MAP3K4: variants seen among roughly 807,000 people sequenced by gnomAD.
MAP3K4 encodes MAP three kinase 1.
A neutral mutation model predicts 185.6 loss-of-function variants in MAP3K4; 67 were observed. The observed-to-expected ratio is 0.36, with a 90% CI of 0.30 to 0.44. The LOEUF (loss-of-function observed/expected upper bound fraction) is 0.44, where lower values mean the gene tolerates loss of function less well. Among genes scored for constraint, MAP3K4 ranks in the 20% least tolerant of loss-of-function variants. The pLI is 1.00. For missense variants in MAP3K4, 1,551 were observed against 1,995.1 expected, an observed-to-expected ratio of 0.78 and a Z score of 4.24; for synonymous variants, 702 against 710.4, an observed-to-expected ratio of 0.99 and a Z score of 0.19.
intron 1 of MAP3K4, among the ~76,000 whole-genome samples, chr6:161,019,631 ACT>A (rs1782283754): frequency 6.6e-6 from 1 of 151,626 alleles, no homozygotes; most frequent in Non-Finnish European, 1.5e-5. Flanking sequence ...CCGGTCTTGA[ACT>A]CCTGACCTCA....
At position 161,037,496 on chromosome 6, in the gene MAP3K4, G is replaced by A. The variant is rs1783223962; in HGVS notation, c.343+3047G>A. Among the ~76,000 whole-genome samples the A allele has an allele frequency of 6.6e-6, 1 of 152,118 alleles. No homozygotes were observed. The highest frequency in any genetic ancestry group is 6.5e-5 in the Admixed American group (1 of 15,276). On this transcript the variant is annotated intron_variant, in intron 2 of 26. Transcript: ENST00000392142. The surrounding 1 kb of genome is among the most constrained non-coding windows in gnomAD (Gnocchi z 4.2). ...TGCAGTGGCGCGATCTCAGCTCACT[G>A]CAACCTCCGCCTCCTGGGTTCAAGC...
intron 3 of MAP3K4, among the ~76,000 whole-genome samples, chr6:161,066,726 T>C (rs1784730469): frequency 6.6e-6 from 1 of 152,214 alleles, no homozygotes; most frequent in African/African-American, 2.4e-5. Context: ...TGTCTGGACA[T>C]GTATTGACAT....
rs1045285232 is a variant in MAP3K4, at chr6:161,108,266, T to A, written c.4119+297T>A. ...AAGGCTTAGAGGAGAGGATTAACAG[T>A]AGTGTCTTATGGGGACACATTGGGG... On this transcript the variant is annotated intron_variant, in intron 21 of 26. Coordinates refer to ENST00000392142, the MANE Select transcript of MAP3K4 (RefSeq NM_005922.4). This position sits in a 1 kb window ranked among gnomAD's most constrained non-coding sequence, Gnocchi z 5.7. Among the ~76,000 whole-genome samples the A allele has an allele frequency of 1.3e-5, 2 of 152,162 alleles. No individual in the cohort carries two copies. Among genetic ancestry groups the A allele is most frequent in the Non-Finnish European group, 2.9e-5 (2 of 68,032 alleles).
intron 3 of MAP3K4, among the ~76,000 whole-genome samples, chr6:161,068,342 G>A (rs961364920): frequency 3.3e-5 from 5 of 152,228 alleles, no homozygotes; most frequent in African/African-American, 1.2e-4. Flanking sequence ...TCTTCCTAAT[G>A]AGAGGAAGAG....
intron 1 of MAP3K4, among the ~76,000 whole-genome samples, chr6:161,033,569 G>GT (rs371178972): frequency 1.3e-5 from 2 of 151,740 alleles, no homozygotes; most frequent in African/African-American, 4.8e-5. Flanking sequence ...CTGCACTGTG[G>GT]TTTTTTTCTT....
rs1033012003 is a variant in MAP3K4, at chr6:161,056,355, A to G, written c.1707+6376A>G. ...GTGTGTTCGGTGCTGTTGGGGTGTCATTGCTTTTAGGCCTTCTCAGTGATA... is the reference window on the plus strand; with the variant it reads ...GTGTGTTCGGTGCTGTTGGGGTGTCGTTGCTTTTAGGCCTTCTCAGTGATA... On this transcript the variant is annotated intron_variant, in intron 3 of 26. Transcript: ENST00000392142. This position sits in a 1 kb window ranked among gnomAD's most constrained non-coding sequence, Gnocchi z 5.4. Among the ~76,000 whole-genome samples, 1 of 152,138 alleles carries G rather than the reference A, an allele frequency of 6.6e-6. No homozygotes were observed. Among genetic ancestry groups the G allele is most frequent in the African/African-American group, 2.4e-5 (1 of 41,420 alleles).
In MAP3K4 at chr6:161,117,104, C is replaced by G; in HGVS notation, c.*234C>G. On this transcript the variant is annotated 3_prime_UTR_variant, in exon 27 of 27. Transcript: ENST00000392142. ...AGCTGCATGTTAAGTGCCATTACTA[C>G]TGTACACGGACCATCGCCTCTGTCT... is the stretch of plus-strand genomic sequence containing the variant. 1.8e-6 allele frequency: 1 copy of G among 570,824 alleles called. No homozygotes were observed. The highest frequency in any genetic ancestry group is 2.2e-5 in the South Asian group (1 of 44,976). The allele number at this position is 570,824 out of a possible 1,614,324, so 35.4% of individuals were successfully genotyped here.
chr6:161,116,795 G>A lies in MAP3K4; in HGVS notation c.4807-55G>A, dbSNP rs911420517. Reference sequence around the variant, plus strand: ...CCCGTAAGACTCATACTGCGCGTATGCACAAGCACACACCTGGCTCTGCAA... The same window carrying A: ...CCCGTAAGACTCATACTGCGCGTATACACAAGCACACACCTGGCTCTGCAA... On this transcript the variant is annotated intron_variant, in intron 26 of 26. Transcript: ENST00000392142. The surrounding 1 kb of genome is among the most constrained non-coding windows in gnomAD (Gnocchi z 6.2). 2 of 1,568,358 alleles carry A rather than the reference G, an allele frequency of 1.3e-6. No homozygotes were observed. Among genetic ancestry groups the A allele is most frequent in the Admixed American group, 3.3e-5 (2 of 59,876 alleles).
At position 161,049,834 on chromosome 6, in the gene MAP3K4, G is replaced by T. The variant is rs775801595; in HGVS notation, c.1562G>T (p.Cys521Phe). The change falls in exon 3 of 27, where the codon TGT (cysteine) becomes TTT (phenylalanine). Residue 521 changes from cysteine (C) to phenylalanine (F), a missense_variant. Cys to Phe is a radical substitution (Grantham distance 205). Coordinates refer to ENST00000392142, the MANE Select transcript of MAP3K4 (RefSeq NM_005922.4). The surrounding 1 kb of genome is among the most constrained non-coding windows in gnomAD (Gnocchi z 8.4). Reference sequence around the variant, plus strand: ...ACAGAAGCAGGCTTTAGTAGACATTGTCTGACTTCTATTTATAGACCATTT... The same window carrying T: ...ACAGAAGCAGGCTTTAGTAGACATTTTCTGACTTCTATTTATAGACCATTT... Reference protein sequence around the residue: ...WSTEAGFSRHCLTSIYRPFVD... With the variant: ...WSTEAGFSRHFLTSIYRPFVD... 1 of 1,614,138 alleles carries T rather than the reference G, an allele frequency of 6.2e-7. No individual in the cohort carries two copies. The highest frequency in any genetic ancestry group is 1.1e-5 in the South Asian group (1 of 91,074).
chr6:161,020,487 G>A (rs1343358485), intron 1 of MAP3K4, among the ~76,000 whole-genome samples: 3 of 151,920 alleles, frequency 2.0e-5, no homozygotes, highest in Non-Finnish European at 2.9e-5. Context: ...GTGAAACTCC[G>A]TTTCTACTAA....
intron 1 of MAP3K4, among the ~76,000 whole-genome samples, chr6:161,003,379 C>T (rs761529973): frequency 6.6e-6 from 1 of 152,190 alleles, no homozygotes; most frequent in Non-Finnish European, 1.5e-5. Context: ...ACAGAATCCA[C>T]GGTCATCCTT....
intron 25 of MAP3K4, among the ~76,000 whole-genome samples, chr6:161,113,790 C>CTTTTTTTTTTTTTTTTTTTT (rs963260228): frequency 1.4e-5 from 1 of 71,076 alleles, no homozygotes; most frequent in Non-Finnish European, 2.4e-5. Flanking sequence ...ATATGAGTGA[C>CTTTTTTTTTTTTTTTTTTTT]TTTTTTTTTT....
rs1298212156 is a variant in MAP3K4, at chr6:161,048,349, G to A, written c.344-267G>A. The A allele has an allele frequency of 1.6e-6, 1 of 636,768 alleles. No homozygotes were observed. The highest frequency in any genetic ancestry group is 3.0e-6 in the Non-Finnish European group (1 of 333,900). 39.4% of individuals were successfully genotyped at this position (636,768 alleles called of 1,614,324 possible). A position where few individuals can be genotyped will look rare whatever the true frequency, so the allele number is the denominator to read the frequency against. ...TGATAACTATGCTTTGTAGCATAGA[G>A]AGAAATAAACAGCTAGTTTAGGTAA... On this transcript the variant is annotated intron_variant, in intron 2 of 26. Coordinates refer to ENST00000392142, the MANE Select transcript of MAP3K4 (RefSeq NM_005922.4). This position sits in a 1 kb window ranked among gnomAD's most constrained non-coding sequence, Gnocchi z 4.7.
chr6:161,097,241 T>C lies in MAP3K4; in HGVS notation c.3524+65T>C, dbSNP rs1267633974. The stretch of plus-strand genomic sequence containing the variant: ...CCTCCGATATGCATGCTCATACTTT[T>C]GAAACTACTAGATGCTTGCTCTGAG... On this transcript the variant is annotated intron_variant, in intron 16 of 26. Transcript: ENST00000392142. This position sits in a 1 kb window ranked among gnomAD's most constrained non-coding sequence, Gnocchi z 4.9. 24 of 1,345,480 alleles carry C rather than the reference T, an allele frequency of 1.8e-5. No homozygotes were observed. Among genetic ancestry groups the C allele is most frequent in the Non-Finnish European group, 2.6e-5 (24 of 938,490 alleles). 83.3% of individuals were successfully genotyped at this position (1,345,480 alleles called of 1,614,324 possible). A position where few individuals can be genotyped will look rare whatever the true frequency, so the allele number is the denominator to read the frequency against.
Position 161,107,182 on chromosome 6 carries a change from T to C in MAP3K4, c.4048+477T>C, listed in dbSNP as rs1778121435. On this transcript the variant is annotated intron_variant, in intron 20 of 26. Transcript: ENST00000392142. This position sits in a 1 kb window ranked among gnomAD's most constrained non-coding sequence, Gnocchi z 6.2. Reference sequence around the variant, plus strand: ...TTAATTTCCAGGTGGAATTGCTTCATGTAAAATAGTCGTAAATTATGTGAG... The same window carrying C: ...TTAATTTCCAGGTGGAATTGCTTCACGTAAAATAGTCGTAAATTATGTGAG... Among the ~76,000 whole-genome samples the C allele has an allele frequency of 6.6e-6, 1 of 152,202 alleles. No individual in the cohort carries two copies. Among genetic ancestry groups the C allele is most frequent in the South Asian group, 2.1e-4 (1 of 4,830 alleles).
chr6:161,056,964 C>T lies in MAP3K4; in HGVS notation c.1707+6985C>T, dbSNP rs1263463717. 6.6e-6 allele frequency among the ~76,000 whole-genome samples: 1 copy of T among 152,096 alleles called. No individual in the cohort carries two copies. The highest frequency in any genetic ancestry group is 1.5e-5 in the Non-Finnish European group (1 of 68,014). The stretch of plus-strand genomic sequence containing the variant: ...AATACTGTAATATGGTTATTTTGTG[C>T]TCCTCCTTTTTGATTTCCTTATGAA... On this transcript the variant is annotated intron_variant, in intron 3 of 26. Coordinates refer to ENST00000392142, the MANE Select transcript of MAP3K4 (RefSeq NM_005922.4). This position sits in a 1 kb window ranked among gnomAD's most constrained non-coding sequence, Gnocchi z 5.4.
chr6:161,052,056 C>T (rs1388247626), intron 3 of MAP3K4, among the ~76,000 whole-genome samples: 1 of 152,080 alleles, frequency 6.6e-6, no homozygotes, highest in African/African-American at 2.4e-5. Context: ...ACTGTATAAC[C>T]TCACCTCTAA....
Position 161,107,821 on chromosome 6 carries a change from A to G in MAP3K4, c.4049-78A>G, listed in dbSNP as rs1299742130. ...AAATATACGTCCAAAATAATTGGAC[A>G]GTATTATTACAAGTTTAAGGAATGT... On this transcript the variant is annotated intron_variant, in intron 20 of 26. Coordinates refer to ENST00000392142, the MANE Select transcript of MAP3K4 (RefSeq NM_005922.4). This position sits in a 1 kb window ranked among gnomAD's most constrained non-coding sequence, Gnocchi z 6.2. 2 of 905,164 alleles carry G rather than the reference A, an allele frequency of 2.2e-6. No individual in the cohort carries two copies. The highest frequency in any genetic ancestry group is 3.6e-6 in the Non-Finnish European group (2 of 558,674). The allele number at this position is 905,164 out of a possible 1,614,324, so 56.1% of individuals were successfully genotyped here.
chr6:161,023,035 C>T (rs1403785779), intron 1 of MAP3K4, among the ~76,000 whole-genome samples: 1 of 151,980 alleles, frequency 6.6e-6, no homozygotes. Flanking sequence ...TGTTTTTTGA[C>T]CATTGTCTTA....
Sources: allele counts gnomAD v4.1 joint callset (sites outside exome capture counted in the v4.1 genomes callset), GRCh38; gene constraint gnomAD v4.1.1; non-coding constraint Gnocchi (gnomAD v3.1); transcripts MANE v1.5; gene names NCBI Gene and HGNC (gene_info 2026-07-23, HGNC 2026-07-21).